The following DPYSL3 variants were observed in gnomAD, a reference collection of about 807,000 sequenced individuals.
DPYSL3 encodes dihydropyrimidinase-related protein 3.
In DPYSL3, 16 loss-of-function variants were observed where a neutral mutation model predicts 66.1. That is an observed-to-expected ratio of 0.24 (90% CI 0.16 to 0.37). DPYSL3 has a LOEUF of 0.37. Among genes scored for constraint, DPYSL3 ranks in the 10% least tolerant of loss-of-function variants. The pLI is 1.00. For synonymous variants in DPYSL3, 338 were observed against 345.1 expected, an observed-to-expected ratio of 0.98 and a Z score of 0.23; for missense variants, 738 against 916.2, an observed-to-expected ratio of 0.81 and a Z score of 2.51.
At chr5:147,454,692 C>T (rs1003323526) in intron 1 of DPYSL3, among the ~76,000 whole-genome samples, 6 of 152,160 alleles carry the variant, frequency 3.9e-5, no homozygotes, top group Admixed American at 2.0e-4. Flanking sequence ...AGTAATGAAC[C>T]ACGTGCACTG....
At chr5:147,454,441 A>G (rs546696091) in intron 1 of DPYSL3, among the ~76,000 whole-genome samples, 68 of 152,344 alleles carry the variant, frequency 4.5e-4, no homozygotes, top group African/African-American at 1.6e-3. Context: ...ACTCGCTCTC[A>G]GAGGCTGCAA....
At chr5:147,433,177 T>A (rs1254659629) in intron 1 of DPYSL3, among the ~76,000 whole-genome samples, 1 of 152,196 alleles carries the variant, frequency 6.6e-6, no homozygotes, top group Admixed American at 6.5e-5. Flanking sequence ...TATAGGTCCA[T>A]ATGTGTCCAC....
At chr5:147,482,972 T>C (rs1267587343) in intron 1 of DPYSL3, among the ~76,000 whole-genome samples, 2 of 152,126 alleles carry the variant, frequency 1.3e-5, no homozygotes, top group Non-Finnish European at 2.9e-5. Context: ...TCGTGAGAAC[T>C]CACTATCATG....
chr5:147,422,047 G>C (rs901259270), intron 2 of DPYSL3, among the ~76,000 whole-genome samples: 3 of 152,046 alleles, frequency 2.0e-5, no homozygotes, highest in African/African-American at 7.2e-5. Context: ...CACAGCAAAA[G>C]AAACTATCAT....
At chr5:147,405,081 C>A (rs1758294133) in intron 8 of DPYSL3, among the ~76,000 whole-genome samples, 2 of 152,148 alleles carry the variant, frequency 1.3e-5, no homozygotes, top group Admixed American at 1.3e-4. Flanking sequence ...CTCTCAGCAT[C>A]TATTCTGTAA....
At chr5:147,499,341 C>T (rs2126457225) in intron 1 of DPYSL3, among the ~76,000 whole-genome samples, 1 of 152,158 alleles carries the variant, frequency 6.6e-6, no homozygotes, top group South Asian at 2.1e-4. Flanking sequence ...CACTTGCTTT[C>T]CTATATACTA....
intron 1 of DPYSL3, among the ~76,000 whole-genome samples, chr5:147,480,821 T>G (rs1753228267): frequency 6.6e-6 from 1 of 151,504 alleles, no homozygotes; most frequent in South Asian, 2.1e-4. Context: ...CTCCCGGGTT[T>G]AAGCGATTCT....
At chr5:147,466,980 G>T (rs886159987) in intron 1 of DPYSL3, among the ~76,000 whole-genome samples, 5 of 152,028 alleles carry the variant, frequency 3.3e-5, no homozygotes, top group African/African-American at 1.2e-4. Flanking sequence ...GTCAACAAAT[G>T]AGTACTTTTT....
chr5:147,460,036 A>G lies in DPYSL3; in HGVS notation c.382-35073T>C, dbSNP rs536996658. 3.3e-5 allele frequency among the ~76,000 whole-genome samples: 5 copies of G among 152,148 alleles called. No individual in the cohort carries two copies. The East Asian group carries it at 9.7e-4, about 29-fold the overall frequency. ...TGAGGCAGGAGAATGGTGTGAACCC[A>G]GGAGGCAGAGCTTACAGTGAGCCAG... is the stretch of plus-strand genomic sequence containing the variant. On this transcript the variant is annotated intron_variant, in intron 1 of 13. Transcript: ENST00000343218.
At chr5:147,401,417 T>C in intron 9 of DPYSL3, 123 bp downstream of exon 9, 1 of 1,151,072 alleles carries the variant, frequency 8.7e-7, no homozygotes, top group South Asian at 1.7e-5. Context: ...GAATTCCCAA[T>C]ACACTGTTCA....
At chr5:147,507,636 C>A (rs114158371) in intron 1 of DPYSL3, among the ~76,000 whole-genome samples, 1,776 of 152,206 alleles carry the variant, frequency 0.012, 51 homozygotes, top group African/African-American at 0.041. Flanking sequence ...TGTGATTCAA[C>A]CAAATTAGAG....
At chr5:147,452,558 T>C (rs1238858896) in intron 1 of DPYSL3, among the ~76,000 whole-genome samples, 1 of 152,070 alleles carries the variant, frequency 6.6e-6, no homozygotes, top group Non-Finnish European at 1.5e-5. Flanking sequence ...TTTTTGTAAA[T>C]GACCATCCCA....
intron 1 of DPYSL3, among the ~76,000 whole-genome samples, chr5:147,480,652 A>G (rs1753221047): frequency 6.6e-6 from 1 of 151,370 alleles, no homozygotes; most frequent in East Asian, 1.9e-4. Flanking sequence ...CAATCAATAC[A>G]GATTTGTTGA....
At chr5:147,409,854 T>C (rs1751811008) in intron 6 of DPYSL3, among the ~76,000 whole-genome samples, 1 of 152,180 alleles carries the variant, frequency 6.6e-6, no homozygotes, top group African/African-American at 2.4e-5. Context: ...TGTGAGGCAT[T>C]TAGAAAGGTA....
chr5:147,491,506 C>T (rs540332617), intron 1 of DPYSL3, among the ~76,000 whole-genome samples: 1 of 152,156 alleles, frequency 6.6e-6, no homozygotes, highest in African/African-American at 2.4e-5. Flanking sequence ...CATTTAGACA[C>T]ACTATGAATA....
intron 1 of DPYSL3, among the ~76,000 whole-genome samples, chr5:147,427,805 T>A (rs995462509): frequency 6.6e-6 from 1 of 152,118 alleles, no homozygotes; most frequent in Non-Finnish European, 1.5e-5. Context: ...TTCATAATAA[T>A]AACAATCTTG....
intron 8 of DPYSL3, chr5:147,401,917 A>T (rs1324761633): frequency 2.2e-6 from 1 of 451,494 alleles, no homozygotes; most frequent in Admixed American, 4.5e-5. Context: ...ATTGGTTGTT[A>T]GATGCAGTGT....
At position 147,392,881 on chromosome 5, in the gene DPYSL3, C is replaced by T. The variant is rs921689407; in HGVS notation, c.*1154G>A. ...TCTGCTCAAGACTGACTTTGGCTTTCCCAGTTCCCCACTTGACTTTCATAT... is the reference window on the plus strand; with the variant it reads ...TCTGCTCAAGACTGACTTTGGCTTTTCCAGTTCCCCACTTGACTTTCATAT... On this transcript the variant is annotated 3_prime_UTR_variant, in exon 14 of 14. Transcript: ENST00000343218. 3.7e-4 allele frequency: 56 copies of T among 152,220 alleles called. No homozygotes were observed. Among genetic ancestry groups the T allele is most frequent in the African/African-American group, 1.2e-3 (49 of 41,452 alleles). The allele number at this position is 152,220 out of a possible 1,614,324, so 9.4% of individuals were successfully genotyped here.
chr5:147,395,897 T>TA (rs1218063176), intron 12 of DPYSL3, among the ~76,000 whole-genome samples, 176 bp from the exon 13 acceptor site: 1 of 152,032 alleles, frequency 6.6e-6, no homozygotes, highest in Non-Finnish European at 1.5e-5. Flanking sequence ...GATGTGATGA[T>TA]AGAGTGACAA....
Sources: gnomAD v4.1 joint callset for allele counts (sites outside exome capture counted in the v4.1 genomes callset) on GRCh38, gnomAD v4.1.1 for gene constraint, MANE v1.5 for transcripts, NCBI Gene and HGNC (gene_info 2026-07-23, HGNC 2026-07-21) for gene names.